Variants in CCSER1 observed in about 807,000 individuals in gnomAD.
CCSER1 encodes the protein serine-rich coiled-coil domain-containing protein 1.
In CCSER1, 41 loss-of-function variants were observed where a neutral mutation model predicts 82.0. The observed-to-expected ratio is 0.50, with a 90% CI of 0.39 to 0.65. The LOEUF (loss-of-function observed/expected upper bound fraction) is 0.65, where lower values mean the gene tolerates loss of function less well. CCSER1 is among the 30% of genes least tolerant of loss of function. The pLI, the probability that CCSER1 is intolerant of heterozygous loss-of-function variation, is 0.00. For synonymous variants in CCSER1, 414 were observed against 383.9 expected (o/e 1.08, Z -0.92); for missense variants, 1,119 against 1,064.2 (o/e 1.05, Z -0.72).
chr4:90,361,889 C>A (rs1345369537), intron 3 of CCSER1, among the ~76,000 whole-genome samples: 1 of 152,148 alleles, frequency 6.6e-6, no homozygotes, highest in Non-Finnish European at 1.5e-5. Context: ...AACTACCTTT[C>A]CAGGCAAGTT....
intron 10 of CCSER1, among the ~76,000 whole-genome samples, chr4:91,284,709 A>G (rs1743145925): frequency 6.6e-6 from 1 of 152,112 alleles, no homozygotes; most frequent in Admixed American, 6.6e-5. Flanking sequence ...TGCTACAGCA[A>G]GACACCCATG....
At chr4:91,147,077 A>G (rs1171860080) in intron 10 of CCSER1, among the ~76,000 whole-genome samples, 1 of 152,206 alleles carries the variant, frequency 6.6e-6, no homozygotes, top group Non-Finnish European at 1.5e-5. Context: ...TCAGGTAACC[A>G]GGAGACCCAT....
At chr4:91,116,487 A>G (rs1366640078) in intron 10 of CCSER1, among the ~76,000 whole-genome samples, 2 of 152,214 alleles carry the variant, frequency 1.3e-5, no homozygotes, top group Non-Finnish European at 2.9e-5. Flanking sequence ...AACAGCAAAG[A>G]ATTAGAAACA....
At chr4:90,774,743 C>T (rs1219160048) in intron 7 of CCSER1, among the ~76,000 whole-genome samples, 2 of 152,002 alleles carry the variant, frequency 1.3e-5, no homozygotes, top group East Asian at 3.9e-4. Context: ...GTTTTCCAGG[C>T]ATGCTTGGTG....
chr4:91,229,950 A>G (rs905447328), intron 10 of CCSER1, among the ~76,000 whole-genome samples: 4 of 152,172 alleles, frequency 2.6e-5, no homozygotes, highest in African/African-American at 4.8e-5. Flanking sequence ...ATGTATACCT[A>G]TGTAACAAAT....
At chr4:90,137,803 G>A (rs1265491259) in intron 1 of CCSER1, among the ~76,000 whole-genome samples, 1 of 152,112 alleles carries the variant, frequency 6.6e-6, no homozygotes, top group Non-Finnish European at 1.5e-5. Flanking sequence ...TTTTGTTTAC[G>A]TTAATCATAG....
At chr4:90,402,245 C>A (rs1380860676) in intron 4 of CCSER1, among the ~76,000 whole-genome samples, 1 of 152,140 alleles carries the variant, frequency 6.6e-6, no homozygotes, top group Non-Finnish European at 1.5e-5. Flanking sequence ...TTAAAAGAGG[C>A]AAATGCAATT....
rs138548167 is a variant in CCSER1, at chr4:90,150,639, T to C, written c.-42+22808T>C. ...AATGTCCTAAATGTAATAAGCAATT[T>C]GTTGTTAAAACCAGTACTGACCACA... On this transcript the variant is annotated intron_variant, in intron 1 of 10. Transcript: ENST00000509176. Among the ~76,000 whole-genome samples, 275 of 152,284 alleles carry C rather than the reference T, an allele frequency of 1.8e-3. 1 individual carries two copies. The highest frequency in any genetic ancestry group is 2.7e-3 in the Non-Finnish European group (187 of 68,000).
At chr4:90,530,609 C>T (rs539578727) in intron 5 of CCSER1, among the ~76,000 whole-genome samples, 1 of 152,160 alleles carries the variant, frequency 6.6e-6, no homozygotes, top group African/African-American at 2.4e-5. Flanking sequence ...AACTGTGGTG[C>T]CACCCATTTT....
At chr4:91,248,514 C>T (rs1180204953) in intron 10 of CCSER1, among the ~76,000 whole-genome samples, 3 of 152,184 alleles carry the variant, frequency 2.0e-5, no homozygotes, top group Non-Finnish European at 4.4e-5. Context: ...AAACTCATAA[C>T]TTCAGAATCT....
chr4:91,164,758 T>C lies in CCSER1; in HGVS notation c.2217+78764T>C, dbSNP rs534926519. Among the ~76,000 whole-genome samples the C allele has an allele frequency of 2.8e-4, 43 of 152,324 alleles. 1 individual carries two copies. In the South Asian group the frequency reaches 8.7e-3, roughly 31 times the overall value. ...GGTTGTGCATGCATCATGTATTTCT[T>C]GCGCCATGATTTTCAGCTCCATCAG... On this transcript the variant is annotated intron_variant, in intron 10 of 10. Coordinates refer to ENST00000509176, the MANE Select transcript of CCSER1 (RefSeq NM_001145065.2).
chr4:91,450,864 G>A (rs1351291243), intron 10 of CCSER1, among the ~76,000 whole-genome samples: 1 of 151,980 alleles, frequency 6.6e-6, no homozygotes, highest in Non-Finnish European at 1.5e-5. Context: ...GACAGGGCTA[G>A]GAGTAATTCA....
At chr4:91,545,452 G>C (rs1347275778) in intron 10 of CCSER1, among the ~76,000 whole-genome samples, 1 of 152,088 alleles carries the variant, frequency 6.6e-6, no homozygotes, top group Admixed American at 6.6e-5. Context: ...GGCCATCTTG[G>C]AACCTCCCTC....
chr4:90,290,030 G>A (rs115061489), intron 1 of CCSER1, among the ~76,000 whole-genome samples: 3,360 of 151,802 alleles, frequency 0.022, 48 homozygotes, highest in South Asian at 0.044. Context: ...CATATTTTTA[G>A]GGTACATGTG....
chr4:90,857,281 A>G lies in CCSER1; in HGVS notation c.2094+41436A>G, dbSNP rs76977858. ...ATGACCCACTTTCAAGCTCAGTCAC[A>G]TGGTCTTTGGCAGGATTTAGTTTCT... On this transcript the variant is annotated intron_variant, in intron 8 of 10. Transcript: ENST00000509176. Among the ~76,000 whole-genome samples, 526 of 152,160 alleles carry G rather than the reference A, an allele frequency of 3.5e-3. 1 individual carries two copies. Among genetic ancestry groups the G allele is most frequent in the Middle Eastern group, 6.8e-3 (2 of 294 alleles).
intron 6 of CCSER1, among the ~76,000 whole-genome samples, chr4:90,630,012 T>G (rs1724070607): frequency 6.6e-6 from 1 of 152,208 alleles, no homozygotes; most frequent in Admixed American, 6.5e-5. Flanking sequence ...TTTGGTAGCT[T>G]GAAATCAGCC....
intron 10 of CCSER1, among the ~76,000 whole-genome samples, chr4:91,471,953 G>A (rs1480689090): frequency 5.1e-5 from 6 of 116,894 alleles, no homozygotes; most frequent in Non-Finnish European, 8.1e-5. Context: ...CTGGGCGACA[G>A]AGCGACACTC....
intron 10 of CCSER1, among the ~76,000 whole-genome samples, chr4:91,201,389 A>G (rs1451495989): frequency 6.6e-6 from 1 of 152,108 alleles, no homozygotes; most frequent in Admixed American, 6.6e-5. Context: ...TGAATAAATG[A>G]ATGAAAGATT....
chr4:91,361,687 G>A (rs566030792), intron 10 of CCSER1, among the ~76,000 whole-genome samples: 1 of 151,904 alleles, frequency 6.6e-6, no homozygotes, highest in African/African-American at 2.4e-5. Flanking sequence ...CGAAATCTAT[G>A]AAGACACTAA....
Sources: gnomAD v4.1 joint callset for allele counts (sites outside exome capture counted in the v4.1 genomes callset) on GRCh38, gnomAD v4.1.1 for gene constraint, MANE v1.5 for transcripts, NCBI Gene and HGNC (gene_info 2026-07-23, HGNC 2026-07-21) for gene names.